The following PLCB1 variants were observed in gnomAD, a reference collection of about 807,000 sequenced individuals.
PLCB1 encodes 1-phosphatidylinositol 4,5-bisphosphate phosphodiesterase beta-1.
In PLCB1, 46 loss-of-function variants were observed where a neutral mutation model predicts 161.8. The ratio of observed to expected loss-of-function variants is 0.28; its 90% CI spans 0.22 to 0.36. PLCB1 has a LOEUF of 0.36. PLCB1 is among the 10% of genes least tolerant of loss of function. The pLI is 1.00. For missense variants in PLCB1, 1,016 were observed against 1,472.5 expected (o/e 0.69, Z 5.07); for synonymous variants, 517 against 503.7 (o/e 1.03, Z -0.35).
chr20:8,243,870 G>C (rs1980737275), intron 2 of PLCB1, among the ~76,000 whole-genome samples: 1 of 151,978 alleles, frequency 6.6e-6, no homozygotes. Flanking sequence ...AATCTGTATG[G>C]CATAATTTCA....
At chr20:8,684,169 C>A (rs376990495) in intron 9 of PLCB1, among the ~76,000 whole-genome samples, 3 of 151,304 alleles carry the variant, frequency 2.0e-5, no homozygotes, top group Non-Finnish European at 2.9e-5. Context: ...CAGGCGTGAG[C>A]CACCGCGCCC....
At chr20:8,870,540 CAG>C (rs1422732319) in intron 31 of PLCB1, among the ~76,000 whole-genome samples, 3 of 152,134 alleles carry the variant, frequency 2.0e-5, no homozygotes, top group African/African-American at 7.2e-5. Flanking sequence ...AGAACTATGT[CAG>C]AATGCATTTG....
chr20:8,783,568 T>C (rs1028892011), intron 27 of PLCB1, among the ~76,000 whole-genome samples: 1 of 152,230 alleles, frequency 6.6e-6, no homozygotes, highest in Admixed American at 6.5e-5. Context: ...ATTTTATCCT[T>C]ATTCTTTTGA....
chr20:8,693,038 A>G (rs1990514714), intron 10 of PLCB1, among the ~76,000 whole-genome samples: 1 of 152,194 alleles, frequency 6.6e-6, no homozygotes, highest in Non-Finnish European at 1.5e-5. Flanking sequence ...AAAATATTTT[A>G]CTGGCAAGGA....
At chr20:8,819,929 A>G (rs1000658768) in intron 31 of PLCB1, among the ~76,000 whole-genome samples, 1 of 151,522 alleles carries the variant, frequency 6.6e-6, no homozygotes, top group Non-Finnish European at 1.5e-5. Flanking sequence ...GTAGAGGTAT[A>G]AAATAGTGTA....
intron 2 of PLCB1, among the ~76,000 whole-genome samples, chr20:8,200,626 A>C (rs1266640434): frequency 6.6e-6 from 1 of 151,944 alleles, no homozygotes; most frequent in African/African-American, 2.4e-5. Context: ...CAATCTTTTG[A>C]ATTTTAATAG....
intron 2 of PLCB1, among the ~76,000 whole-genome samples, chr20:8,284,590 G>T (rs1320650637): frequency 1.3e-5 from 2 of 152,082 alleles, no homozygotes; most frequent in African/African-American, 2.4e-5. Flanking sequence ...GAAAAGAAAA[G>T]AAATTATTGC....
intron 2 of PLCB1, among the ~76,000 whole-genome samples, chr20:8,244,654 A>G (rs1040640121): frequency 5.3e-5 from 8 of 151,862 alleles, no homozygotes; most frequent in African/African-American, 1.7e-4. Flanking sequence ...ATGAGTGTGT[A>G]CATATGCAAA....
At chr20:8,716,374 G>A (rs749730635) in intron 13 of PLCB1, 26 bp downstream of exon 13, 4 of 1,519,200 alleles carry the variant, frequency 2.6e-6, no homozygotes, top group Non-Finnish European at 2.7e-6. Context: ...GTTTGTCCTT[G>A]AAGGAATGTA....
intron 13 of PLCB1, among the ~76,000 whole-genome samples, chr20:8,717,368 G>A (rs2123467970): frequency 6.6e-6 from 1 of 152,228 alleles, no homozygotes; most frequent in East Asian, 1.9e-4. Context: ...CAAGATGATT[G>A]GGTTTCTATG....
intron 2 of PLCB1, among the ~76,000 whole-genome samples, chr20:8,227,727 A>T (rs1160139104): frequency 6.6e-6 from 1 of 152,174 alleles, no homozygotes; most frequent in East Asian, 1.9e-4. Flanking sequence ...ATAGGACTCA[A>T]ATGAAACAAA....
chr20:8,831,675 C>T (rs1036248675), intron 31 of PLCB1, among the ~76,000 whole-genome samples: 3 of 152,042 alleles, frequency 2.0e-5, no homozygotes, highest in African/African-American at 4.8e-5. Flanking sequence ...TGTCACCCAG[C>T]CTGGAGTGCA....
chr20:8,638,371 T>A (rs1365839900), intron 4 of PLCB1, among the ~76,000 whole-genome samples: 2 of 151,956 alleles, frequency 1.3e-5, no homozygotes, highest in Admixed American at 1.3e-4. Context: ...AGGGCACAAG[T>A]GATAGAACTC....
chr20:8,539,649 T>TTTCC (rs913645947), intron 3 of PLCB1, among the ~76,000 whole-genome samples: 5 of 89,708 alleles, frequency 5.6e-5, no homozygotes, highest in African/African-American at 1.8e-4. Flanking sequence ...TCTTTCTTTC[T>TTTCC]TTCTTTCTTT....
intron 3 of PLCB1, among the ~76,000 whole-genome samples, chr20:8,528,298 A>G (rs62197643): frequency 0.017 from 2,567 of 152,220 alleles, 42 homozygotes; most frequent in Non-Finnish European, 0.025. Flanking sequence ...AGCAATCTAA[A>G]TGTCTATCAA....
Position 8,462,780 on chromosome 20 carries a change from T to A in PLCB1, c.246+91330T>A, listed in dbSNP as rs1036972694. Among the ~76,000 whole-genome samples, 42 of 138,328 alleles carry A rather than the reference T, an allele frequency of 3.0e-4. 1 individual carries two copies. The highest frequency in any genetic ancestry group is 3.8e-3 in the Middle Eastern group (1 of 260). 90.7% of individuals were successfully genotyped at this position (138,328 alleles called of 152,430 possible). The stretch of plus-strand genomic sequence containing the variant: ...TGGCTGTCTCACCACCTAAGCTCCA[T>A]GCCTTGCCCCTTGCTTTCCTCCACA... On this transcript the variant is annotated intron_variant, in intron 3 of 31. Coordinates refer to ENST00000338037, the MANE Select transcript of PLCB1 (RefSeq NM_015192.4).
chr20:8,588,222 AG>A (rs1193426410), intron 3 of PLCB1, among the ~76,000 whole-genome samples: 1 of 152,184 alleles, frequency 6.6e-6, no homozygotes, highest in Non-Finnish European at 1.5e-5. Flanking sequence ...AGAGGCCTCC[AG>A]GGGAGGTGGG....
intron 2 of PLCB1, among the ~76,000 whole-genome samples, chr20:8,320,424 A>C (rs1984858598): frequency 1.3e-5 from 2 of 152,208 alleles, no homozygotes; most frequent in Non-Finnish European, 1.5e-5. Flanking sequence ...TGAGGAAATT[A>C]GGTTCCTAGA....
At chr20:8,165,605 T>A (rs1490761330) in intron 2 of PLCB1, among the ~76,000 whole-genome samples, 1 of 152,228 alleles carries the variant, frequency 6.6e-6, no homozygotes, top group Non-Finnish European at 1.5e-5. Context: ...GGACTTTACC[T>A]CATTTGTTTG....
Sources: gnomAD v4.1 joint callset for allele counts (sites outside exome capture counted in the v4.1 genomes callset) on GRCh38, gnomAD v4.1.1 for gene constraint, MANE v1.5 for transcripts, NCBI Gene and HGNC (gene_info 2026-07-23, HGNC 2026-07-21) for gene names.